Variants in ZC3H18 observed in about 807,000 individuals in gnomAD.
ZC3H18 encodes the protein zinc finger CCCH domain-containing protein 18.
In ZC3H18, 8 loss-of-function variants were observed where a neutral mutation model predicts 106.1. The ratio of observed to expected loss-of-function variants is 0.08; its 90% CI spans 0.04 to 0.14. The LOEUF is 0.14. ZC3H18 is among the 10% of genes least tolerant of loss of function. ZC3H18 has a pLI of 1.00. For missense variants in ZC3H18, 1,318 were observed against 1,278.4 expected (o/e 1.03, Z -0.47); for synonymous variants, 635 against 522.1 (o/e 1.22, Z -2.95).
Position 88,630,525 on chromosome 16 carries a change from G to A in ZC3H18, c.2607G>A (p.Pro869=), listed in dbSNP as rs773028449. Residue 869 remains proline, a synonymous_variant, in exon 17 of 18, where the codon CCG becomes CCA. Coordinates refer to ENST00000301011, the MANE Select transcript of ZC3H18 (RefSeq NM_144604.4). ...AGTCAGGTGGGAGACTGGGCTCCCC[G>A]AAGCCAGAGCGGCAGAGAGGCCAGA... The part of the protein sequence containing the change: ...DRKSGGRLGS[P]KPERQRGQNS... 116 of 1,613,236 alleles carry A rather than the reference G, an allele frequency of 7.2e-5. No homozygotes were observed. The Middle Eastern group carries it at 6.6e-3, about 92-fold the overall frequency.
At chr16:88,605,216 C>T (rs749658775) in intron 6 of ZC3H18, among the ~76,000 whole-genome samples, 3 of 152,204 alleles carry the variant, frequency 2.0e-5, no homozygotes, top group Non-Finnish European at 4.4e-5. Context: ...GTTGGGCTAC[C>T]TGGAGAGTAA....
At chr16:88,625,716 T>C (rs953259080) in intron 13 of ZC3H18, 3 of 178,260 alleles carry the variant, frequency 1.7e-5, no homozygotes, top group African/African-American at 7.2e-5. Flanking sequence ...AAAAGCTTTG[T>C]GGGCCAGGTG....
Position 88,577,573 on chromosome 16 carries a change from G to A in ZC3H18, c.450G>A (p.Ala150=), listed in dbSNP as rs781745313. ...TCCAGGAGGACGAGGCTGAGAAAGCGGGGGCTGAGGATGATGAGGAGAAAG... is the reference window on the plus strand; with the variant it reads ...TCCAGGAGGACGAGGCTGAGAAAGCAGGGGCTGAGGATGATGAGGAGAAAG... The part of the protein sequence containing the change: ...PAVQEDEAEK[A]GAEDDEEKGE... Residue 150 remains alanine (A), a synonymous_variant, in exon 2 of 18, where the codon GCG becomes GCA. Transcript: ENST00000301011. 1.1e-5 allele frequency: 17 copies of A among 1,613,490 alleles called. No individual in the cohort carries two copies. The highest frequency in any genetic ancestry group is 9.3e-5 in the African/African-American group (7 of 74,926).
intron 7 of ZC3H18, 32 bp from the exon 8 acceptor site, chr16:88,611,236 G>A (rs746573821): frequency 7.0e-5 from 52 of 743,042 alleles, no homozygotes; most frequent in East Asian, 2.2e-4. Flanking sequence ...AATAACGCAC[G>A]GTGTCCCCAT....
At position 88,577,148 on chromosome 16, in the gene ZC3H18, C is replaced by A; in HGVS notation, c.25C>A (p.Arg9=). MDVAESPE[R]DPHSPEDEEQ... ...GATGGATGTGGCCGAGAGCCCTGAA[C>A]GGGATCCTCACTCTCCAGAGGATGA... The change falls in exon 2 of 18, where the codon CGG becomes AGG. Residue 9 remains arginine (R), a synonymous_variant. Coordinates refer to ENST00000301011, the MANE Select transcript of ZC3H18 (RefSeq NM_144604.4). 1.3e-6 allele frequency: 2 copies of A among 1,573,444 alleles called. No individual in the cohort carries two copies. The highest frequency in any genetic ancestry group is 8.6e-7 in the Non-Finnish European group (1 of 1,157,068).
intron 8 of ZC3H18, among the ~76,000 whole-genome samples, chr16:88,620,942 T>C (rs1364659142): frequency 6.6e-6 from 1 of 152,258 alleles, no homozygotes; most frequent in Non-Finnish European, 1.5e-5. Context: ...CTCAGCTCAC[T>C]GCAATCTCTG....
At chr16:88,594,869 T>A (rs1301875680) in intron 3 of ZC3H18, among the ~76,000 whole-genome samples, 1 of 152,188 alleles carries the variant, frequency 6.6e-6, no homozygotes, top group African/African-American at 2.4e-5. Context: ...ATAAAACAGT[T>A]GGCTGGGCGT....
intron 6 of ZC3H18, among the ~76,000 whole-genome samples, chr16:88,603,156 A>G (rs1370197354): frequency 2.0e-5 from 3 of 151,694 alleles, no homozygotes; most frequent in African/African-American, 4.8e-5. Context: ...TAGTAGAGAC[A>G]GGGTTTCACC....
chr16:88,608,193 T>C (rs1905100580), intron 6 of ZC3H18, among the ~76,000 whole-genome samples: 2 of 152,200 alleles, frequency 1.3e-5, no homozygotes, highest in South Asian at 4.1e-4. Flanking sequence ...TCTAGTGGGC[T>C]CCCCTTGTCC....
chr16:88,583,774 C>A (rs1441435688), intron 2 of ZC3H18, among the ~76,000 whole-genome samples: 1 of 152,148 alleles, frequency 6.6e-6, no homozygotes, highest in African/African-American at 2.4e-5. Context: ...TTGGCCTGTC[C>A]CAGGTGGTGT....
At chr16:88,597,759 A>G (rs979996478) in intron 3 of ZC3H18, among the ~76,000 whole-genome samples, 1 of 152,246 alleles carries the variant, frequency 6.6e-6, no homozygotes, top group Non-Finnish European at 1.5e-5. Context: ...GCTTCTGATC[A>G]TTGTTAATGC....
At position 88,630,233 on chromosome 16, in the gene ZC3H18, C is replaced by T. The variant is rs146324839; in HGVS notation, c.2567-252C>T. On this transcript the variant is annotated intron_variant, in intron 16 of 17. Coordinates refer to ENST00000301011, the MANE Select transcript of ZC3H18 (RefSeq NM_144604.4). ...TCAAAGCTAGGAAGGAGTTTTGTCT[C>T]TCTGCGTGAGATATTGGCTGCTTGC... The T allele has an allele frequency of 1.7e-3, 807 of 465,326 alleles. 7 individuals are homozygous for T. The highest frequency in any genetic ancestry group is 0.014 in the African/African-American group (685 of 50,096). The allele number at this position is 465,326 out of a possible 1,614,324, so 28.8% of individuals were successfully genotyped here.
At chr16:88,606,336 C>T (rs575713928) in intron 6 of ZC3H18, among the ~76,000 whole-genome samples, 10 of 152,356 alleles carry the variant, frequency 6.6e-5, no homozygotes, top group Admixed American at 2.0e-4. Context: ...TTCTCTAGAA[C>T]GCATGCTGCG....
At chr16:88,614,550 A>T (rs1458717923) in intron 8 of ZC3H18, among the ~76,000 whole-genome samples, 1 of 152,254 alleles carries the variant, frequency 6.6e-6, no homozygotes, top group Non-Finnish European at 1.5e-5. Flanking sequence ...TCCAGCTCAC[A>T]GTGAATGGAC....
Position 88,598,647 on chromosome 16 carries a change from C to A in ZC3H18, c.865C>A (p.Pro289Thr). 1 of 1,612,254 alleles carries A rather than the reference C, an allele frequency of 6.2e-7. No homozygotes were observed. The highest frequency in any genetic ancestry group is 8.5e-7 in the Non-Finnish European group (1 of 1,179,122). Reference protein sequence around the residue: ...WGGPVVDEILPPPPPEPPTES... With the variant: ...WGGPVVDEILTPPPPEPPTES... ...TGGGCCGGTAGTTGATGAAATTTTG[C>A]CTCCACCCCCTCCAGAGCCCCCAAC... Residue 289 changes from proline (P) to threonine (T), a missense_variant, in exon 5 of 18, where the codon CCT becomes ACT. Physicochemically the swap from Pro to Thr is conservative, Grantham distance 38 (BLOSUM62 -1). Coordinates refer to ENST00000301011, the MANE Select transcript of ZC3H18 (RefSeq NM_144604.4).
chr16:88,607,425 T>G (rs1303816263), intron 6 of ZC3H18, among the ~76,000 whole-genome samples: 3 of 152,232 alleles, frequency 2.0e-5, no homozygotes, highest in Non-Finnish European at 1.5e-5. Flanking sequence ...TCATTGGTGT[T>G]TTTGCTGGGA....
Position 88,622,328 on chromosome 16 carries a change from G to C in ZC3H18, c.1607G>C (p.Ser536Thr), listed in dbSNP as rs748036448. The change falls in exon 9 of 18, where the codon AGC becomes ACC. Residue 536 changes from serine to threonine, a missense_variant. Transcript: ENST00000301011. ...KKKLGVSVSP[S>T]RARRRRKTSA... is the part of the protein sequence containing the mutation. ...AAACTCGGGGTGTCGGTCTCCCCGA[G>C]CCGGGCTCGAAGGCGTCGGAAAACA... 1 of 1,613,802 alleles carries C rather than the reference G, an allele frequency of 6.2e-7. No individual in the cohort carries two copies. Among genetic ancestry groups the C allele is most frequent in the African/African-American group, 1.3e-5 (1 of 74,928 alleles).
chr16:88,600,324 C>G (rs1362435019), intron 6 of ZC3H18, among the ~76,000 whole-genome samples: 1 of 152,208 alleles, frequency 6.6e-6, no homozygotes, highest in African/African-American at 2.4e-5. Context: ...TTGCCACAAG[C>G]CAGGAACACA....
rs149412918 is a variant in ZC3H18 at position 88,573,077 on chromosome 16, T to C, written c.-15+2511T>C. 2.0e-5 allele frequency among the ~76,000 whole-genome samples: 3 copies of C among 152,150 alleles called. No individual in the cohort carries two copies. In the East Asian group the frequency reaches 5.8e-4, roughly 29 times the overall value. On this transcript the variant is annotated intron_variant, in intron 1 of 17. Transcript: ENST00000301011. ...CAGCCAATTGTGTGATTTTTAAAAC[T>C]AGTTTGAGGAGACATTTAGTTTTGC... is the stretch of plus-strand genomic sequence containing the variant.
Sources: allele counts gnomAD v4.1 joint callset (sites outside exome capture counted in the v4.1 genomes callset), GRCh38; gene constraint gnomAD v4.1.1; transcripts MANE v1.5; gene names NCBI Gene and HGNC (gene_info 2026-07-23, HGNC 2026-07-21).